The following ADGRG6 variants were observed in gnomAD, a reference collection of about 807,000 sequenced individuals.
ADGRG6 encodes G-protein coupled receptor 126.
Under a neutral mutation model 142.4 loss-of-function variants are expected in ADGRG6, and 84 were observed. The observed-to-expected ratio is 0.59, with a 90% CI of 0.49 to 0.71. The LOEUF is 0.71. Ranked by LOEUF, ADGRG6 falls within the 30% of genes least tolerant of loss-of-function variation. The probability of loss-of-function intolerance (pLI) is 0.00; values close to 1 mark genes in which losing one functional copy is unlikely to be tolerated. For missense variants in ADGRG6, 1,367 were observed against 1,466.6 expected (o/e 0.93, Z 1.11); for synonymous variants, 521 against 520.5 (o/e 1.00, Z -0.01).
chr6:142,404,015 G>A (rs780239380), intron 14 of ADGRG6, 42 bp downstream of exon 14: 2 of 1,452,474 alleles, frequency 1.4e-6, no homozygotes, highest in African/African-American at 2.8e-5. Context: ...TAATTAGTTA[G>A]ACATATAAAA....
At chr6:142,398,014 C>T (rs371107999) in intron 10 of ADGRG6, among the ~76,000 whole-genome samples, 3 of 151,824 alleles carry the variant, frequency 2.0e-5, no homozygotes, top group Admixed American at 6.6e-5. Context: ...ACAATATGAA[C>T]AAAATGCCAG....
intron 2 of ADGRG6, among the ~76,000 whole-genome samples, chr6:142,354,944 G>A (rs1023202674): frequency 6.6e-6 from 1 of 152,186 alleles, no homozygotes; most frequent in Non-Finnish European, 1.5e-5. Flanking sequence ...ATAGGGAGAA[G>A]ACAATCATTT....
At chr6:142,335,426 G>A (rs192466353) in intron 2 of ADGRG6, among the ~76,000 whole-genome samples, 51 of 152,230 alleles carry the variant, frequency 3.4e-4, no homozygotes, top group African/African-American at 1.2e-3. Flanking sequence ...ATGGAGAACA[G>A]GGGAGCACAA....
At chr6:142,372,885 C>T (rs1319934028) in intron 4 of ADGRG6, among the ~76,000 whole-genome samples, 1 of 152,168 alleles carries the variant, frequency 6.6e-6, no homozygotes, top group Non-Finnish European at 1.5e-5. Flanking sequence ...ATAGACCATT[C>T]TAATATTTGC....
chr6:142,351,745 G>A (rs1780185681), intron 2 of ADGRG6, among the ~76,000 whole-genome samples: 1 of 152,056 alleles, frequency 6.6e-6, no homozygotes, highest in South Asian at 2.1e-4. Flanking sequence ...GAAACTATTA[G>A]CAGAAGAAAC....
intron 2 of ADGRG6, among the ~76,000 whole-genome samples, chr6:142,317,015 C>G (rs982328763): frequency 2.6e-5 from 4 of 152,042 alleles, no homozygotes; most frequent in Admixed American, 1.3e-4. Flanking sequence ...GTAGGCAGCT[C>G]AAGACCACAA....
At chr6:142,355,541 C>T (rs887416460) in intron 2 of ADGRG6, among the ~76,000 whole-genome samples, 8 of 152,116 alleles carry the variant, frequency 5.3e-5, no homozygotes, top group Non-Finnish European at 1.2e-4. Flanking sequence ...CATTCAACTG[C>T]ACCTCGATAG....
intron 2 of ADGRG6, among the ~76,000 whole-genome samples, chr6:142,355,024 A>G (rs777917856): frequency 3.3e-5 from 5 of 152,204 alleles, no homozygotes; most frequent in African/African-American, 4.8e-5. Flanking sequence ...CTATTATCCA[A>G]ACATCTCCTA....
At chr6:142,318,589 G>A (rs918908045) in intron 2 of ADGRG6, among the ~76,000 whole-genome samples, 5 of 150,394 alleles carry the variant, frequency 3.3e-5, no homozygotes, top group African/African-American at 1.2e-4. Flanking sequence ...TAGACATGAT[G>A]TCAAGAGATA....
rs569968866 is a variant in ADGRG6, at chr6:142,445,318, C to G, written c.*1803C>G. ...AAATCTAAGGTCACTGAGCCAAATC[C>G]TTTTCAATAGGCATATATTAACAGG... On this transcript the variant is annotated 3_prime_UTR_variant, in exon 25 of 25. Transcript: ENST00000367609. The G allele has an allele frequency of 4.5e-4, 68 of 152,208 alleles. No homozygotes were observed. Among genetic ancestry groups the G allele is most frequent in the African/African-American group, 1.6e-3 (65 of 41,542 alleles). 9.4% of individuals were successfully genotyped at this position (152,208 alleles called of 1,614,324 possible).
At position 142,434,103 on chromosome 6, in the gene ADGRG6, A is replaced by G. The variant is rs1163370082; in HGVS notation, c.3320-3331A>G. Among the ~76,000 whole-genome samples, 4 of 152,082 alleles carry G rather than the reference A, an allele frequency of 2.6e-5. No homozygotes were observed. In the East Asian group the frequency reaches 7.7e-4, roughly 29 times the overall value. On this transcript the variant is annotated intron_variant, in intron 22 of 24. Coordinates refer to ENST00000367609, the MANE Select transcript of ADGRG6 (RefSeq NM_198569.3). ...CTATCTGATATAACATTTCAAAGAA[A>G]TAGATCATTAGGATTTATTTCCTTT...
At chr6:142,338,145 C>T (rs911445811) in intron 2 of ADGRG6, among the ~76,000 whole-genome samples, 9 of 150,056 alleles carry the variant, frequency 6.0e-5, no homozygotes, top group Admixed American at 2.0e-4. Context: ...CTCAGCCTCC[C>T]GAGTAGCTGC....
intron 4 of ADGRG6, among the ~76,000 whole-genome samples, chr6:142,381,678 C>G (rs1781777872): frequency 6.6e-6 from 1 of 152,176 alleles, no homozygotes; most frequent in African/African-American, 2.4e-5. Flanking sequence ...AAGCCCTGAA[C>G]TTTTTGCACA....
intron 2 of ADGRG6, among the ~76,000 whole-genome samples, chr6:142,310,156 C>T (rs1332559477): frequency 6.6e-6 from 1 of 151,620 alleles, no homozygotes; most frequent in Non-Finnish European, 1.5e-5. Context: ...ATTTTAATTA[C>T]AGCATTTTTG....
rs191728918 is a variant in ADGRG6 at position 142,403,742 on chromosome 6, A to T, written c.1956-60A>T. 1.2e-3 allele frequency: 1,298 copies of T among 1,053,166 alleles called. 3 individuals carry two copies. The highest frequency in any genetic ancestry group is 1.6e-3 in the Non-Finnish European group (1,182 of 733,200). 65.2% of individuals were successfully genotyped at this position (1,053,166 alleles called of 1,614,324 possible). On this transcript the variant is annotated intron_variant, in intron 13 of 24. Transcript: ENST00000367609. ...TATTTTGCCATGCAGCAAAACATGT[A>T]TGTTTAAGAATCTAAAATATCATAT... is the stretch of plus-strand genomic sequence containing the variant.
chr6:142,418,161 G>T (rs1196180237), intron 21 of ADGRG6, among the ~76,000 whole-genome samples: 2 of 151,946 alleles, frequency 1.3e-5, no homozygotes, highest in Admixed American at 1.3e-4. Flanking sequence ...TGGGCATGGT[G>T]GTGCATAGCT....
chr6:142,438,505 T>C (rs913133558), intron 24 of ADGRG6, 141 bp downstream of exon 24: 1 of 515,116 alleles, frequency 1.9e-6, no homozygotes, highest in African/African-American at 2.0e-5. Flanking sequence ...TTTGAAGACG[T>C]TATCCAACAC....
chr6:142,303,030 C>T (rs1306539347), intron 1 of ADGRG6, among the ~76,000 whole-genome samples: 1 of 152,162 alleles, frequency 6.6e-6, no homozygotes, highest in Non-Finnish European at 1.5e-5. Context: ...CGCACAGCGA[C>T]CCCATGAAAG....
At chr6:142,322,800 C>T (rs1036490626) in intron 2 of ADGRG6, among the ~76,000 whole-genome samples, 1 of 152,032 alleles carries the variant, frequency 6.6e-6, no homozygotes, top group Admixed American at 6.6e-5. Context: ...AGTGGTTTAT[C>T]ATCTATTTAC....
Sources: gnomAD v4.1 joint callset for allele counts (sites outside exome capture counted in the v4.1 genomes callset) on GRCh38, gnomAD v4.1.1 for gene constraint, MANE v1.5 for transcripts, NCBI Gene and HGNC (gene_info 2026-07-23, HGNC 2026-07-21) for gene names.